MXD3: variants seen among roughly 807,000 people sequenced by gnomAD.
MXD3 encodes Max-associated protein 3.
MXD3 carries 20 observed loss-of-function variants against 27.5 expected under a neutral mutation model. The ratio of observed to expected loss-of-function variants is 0.73; its 90% CI spans 0.51 to 1.06. The LOEUF is 1.06. MXD3 is among the 50% of genes least tolerant of loss of function. The probability of loss-of-function intolerance (pLI) is 0.00; values close to 1 mark genes in which losing one functional copy is unlikely to be tolerated. For missense variants in MXD3, 298 were observed against 291.3 expected (o/e 1.02, Z -0.17); for synonymous variants, 150 against 130.7 (o/e 1.15, Z -1.01).
At chr5:177,311,554 G>A (rs1181217746) in intron 1 of MXD3, 70 bp from the exon 2 acceptor site, 3 of 1,285,678 alleles carry the variant, frequency 2.3e-6, no homozygotes, top group Non-Finnish European at 3.1e-6. Context: ...CCCAGGCACA[G>A]CACGGTCAAG....
At chr5:177,309,820 T>C (rs1048046572) in intron 4 of MXD3, among the ~76,000 whole-genome samples, 5 of 152,234 alleles carry the variant, frequency 3.3e-5, no homozygotes, top group Non-Finnish European at 7.3e-5. Context: ...ACTTCTGACA[T>C]GGCCAGGGCC....
rs375308530 is a variant in MXD3, at chr5:177,307,636, G to A, written c.573C>T (p.Val191=). 12 of 1,613,360 alleles carry A rather than the reference G, an allele frequency of 7.4e-6. No homozygotes were observed. In the African/African-American group the frequency reaches 1.1e-4, roughly 14 times the overall value. ...GCGAGTAGCTGTGCTCCTGGCCGGC[G>A]ACGAAGCCCCGCAGCAGCTCGGCCT... ...GGEAELLRGF[V]AGQEHSYSHG... is the part of the protein sequence containing the mutation. Residue 191 remains valine (V), a synonymous_variant, in exon 6 of 6, where the codon GTC becomes GTT. Transcript: ENST00000439742.
upstream of MXD3, chr5:177,312,489 G>C (rs534240850): frequency 1.9e-5 from 19 of 985,450 alleles, 1 homozygote; most frequent in East Asian, 2.2e-3. Context: ...CGATGGGGCG[G>C]GGTTGAGAGG....
At position 177,307,881 on chromosome 5, in the gene MXD3, C is replaced by G; in HGVS notation, c.405G>C (p.Glu135Asp). 1.2e-6 allele frequency: 2 copies of G among 1,606,216 alleles called. No homozygotes were observed. The highest frequency in any genetic ancestry group is 1.7e-6 in the Non-Finnish European group (2 of 1,177,134). ...SKQQSLQRQL[E>D]QLRGLAGAAE... ...CCGCCCCTGCCAGCCCCCGGAGCTG[C>G]TCCAGCTGCCGCTGCAGGCTCTGCT... is the stretch of plus-strand genomic sequence containing the variant. Residue 135 changes from glutamate (E) to aspartate (D), a missense_variant, in exon 5 of 6, where the codon GAG becomes GAC. Transcript: ENST00000439742.
intron 2 of MXD3, 37 bp downstream of exon 2, chr5:177,311,342 C>A (rs1157814724): frequency 7.6e-7 from 1 of 1,309,898 alleles, no homozygotes; most frequent in Non-Finnish European, 1.0e-6. Context: ...GCGGCGCCCA[C>A]CCCCACCCCC....
chr5:177,307,060 G>A (rs907401307), downstream of MXD3: 8 of 1,455,734 alleles, frequency 5.5e-6, no homozygotes, highest in Non-Finnish European at 7.3e-6. Flanking sequence ...CCGTGAAGTG[G>A]AGACAGAACA....
chr5:177,312,072 T>G (rs932588074), upstream of MXD3: 15 of 1,200,552 alleles, frequency 1.2e-5, no homozygotes, highest in African/African-American at 1.8e-4. Context: ...CAGGGGCAGG[T>G]AAGGGCGCTG....
chr5:177,306,916 A>G (rs978727501), downstream of MXD3: 18 of 794,946 alleles, frequency 2.3e-5, no homozygotes, highest in Non-Finnish European at 3.1e-5. Context: ...TATCTAGCAC[A>G]TAATAGACAC....
intron 4 of MXD3, among the ~76,000 whole-genome samples, chr5:177,309,172 C>T (rs1760974763): frequency 6.6e-6 from 1 of 152,194 alleles, no homozygotes; most frequent in Non-Finnish European, 1.5e-5. Context: ...TATGAAGGGC[C>T]TTGAGTTTCA....
chr5:177,309,111 G>A (rs1760973747), intron 4 of MXD3, among the ~76,000 whole-genome samples: 2 of 152,242 alleles, frequency 1.3e-5, no homozygotes, highest in Admixed American at 6.5e-5. Context: ...GCTTCTGTGG[G>A]GCACAGGGAG....
downstream of MXD3, chr5:177,305,569 A>G: frequency 5.5e-6 from 2 of 365,716 alleles, no homozygotes; most frequent in Non-Finnish European, 1.0e-5. Context: ...CGGCTAAAAC[A>G]CTGCATGCGT....
chr5:177,306,938 T>C (rs1209582900), downstream of MXD3: 4 of 897,930 alleles, frequency 4.5e-6, no homozygotes, highest in Non-Finnish European at 6.6e-6. Context: ...CAATAAATAC[T>C]TGTTGAATTC....
downstream of MXD3, chr5:177,306,701 G>T (rs745617839): frequency 3.0e-4 from 395 of 1,327,092 alleles, no homozygotes; most frequent in Non-Finnish European, 3.8e-4. Context: ...TGGGGATGCA[G>T]TTTGGCATCT....
In MXD3 at chr5:177,310,946, C is replaced by T. The variant is rs1330355301; in HGVS notation, c.177-249G>A. 4 of 597,128 alleles carry T rather than the reference C, an allele frequency of 6.7e-6. No homozygotes were observed. The Admixed American group carries it at 8.9e-5, about 13-fold the overall frequency. 37.0% of individuals were successfully genotyped at this position (597,128 alleles called of 1,614,324 possible). A position where few individuals can be genotyped will look rare whatever the true frequency, so the allele number is the denominator to read the frequency against. On this transcript the variant is annotated intron_variant, in intron 2 of 5. Transcript: ENST00000439742. ...GGGCCCTAACAAGGGCGCCTGCCAG[C>T]TGGCCAGAAAGGACCTCCCAGAGGT... is the stretch of plus-strand genomic sequence containing the variant.
chr5:177,306,814 TC>T, downstream of MXD3: 1 of 764,204 alleles, frequency 1.3e-6, no homozygotes, highest in Non-Finnish European at 2.1e-6. Context: ...TGCCCGGGGC[TC>T]CAGGTAGCCT....
chr5:177,307,745 G>A (rs547874035), intron 5 of MXD3, 36 bp downstream of exon 5: 26 of 1,611,518 alleles, frequency 1.6e-5, no homozygotes, highest in East Asian at 2.2e-5. Context: ...GGCTCGCCCC[G>A]AGGGCCACAC....
chr5:177,311,215 G>GT, intron 2 of MXD3, 164 bp downstream of exon 2: 1 of 527,482 alleles, frequency 1.9e-6, no homozygotes, highest in Non-Finnish European at 3.3e-6. Flanking sequence ...GAATAGAAAG[G>GT]TGTGAGTGTG....
chr5:177,305,594 C>A, downstream of MXD3: 1 of 451,288 alleles, frequency 2.2e-6, no homozygotes, highest in East Asian at 4.3e-5. Flanking sequence ...ATGCACAAAA[C>A]AAAATCCAGG....
chr5:177,307,789 G>A lies in MXD3; in HGVS notation c.497C>T (p.Ser166Leu). Residue 166 changes from serine (S) to leucine (L), a missense_variant, in exon 5 of 6, where the codon TCA (serine) becomes TTA (leucine). Ser to Leu is a moderately radical substitution (Grantham distance 145). Coordinates refer to ENST00000439742, the MANE Select transcript of MXD3 (RefSeq NM_031300.4). Reference sequence around the variant, plus strand: ...AGCCTCGGGGCACTCACCTTGGTCTGAGTCTGAGCGCTCAGAGGAGAGGCC... The same window carrying A: ...AGCCTCGGGGCACTCACCTTGGTCTAAGTCTGAGCGCTCAGAGGAGAGGCC... ...SSGLSSERSD[S>L]DQEELEVDVE... The A allele has an allele frequency of 6.2e-7, 1 of 1,613,184 alleles. No individual in the cohort carries two copies. Among genetic ancestry groups the A allele is most frequent in the Non-Finnish European group, 8.5e-7 (1 of 1,179,790 alleles).
Sources: gnomAD v4.1 joint callset for allele counts (sites outside exome capture counted in the v4.1 genomes callset) on GRCh38, gnomAD v4.1.1 for gene constraint, MANE v1.5 for transcripts, NCBI Gene and HGNC (gene_info 2026-07-23, HGNC 2026-07-21) for gene names.